VEGFC: variants seen among roughly 807,000 people sequenced by gnomAD.
VEGFC encodes the protein vascular endothelial growth factor C.
VEGFC carries 12 observed loss-of-function variants against 46.1 expected under a neutral mutation model. The observed-to-expected ratio is 0.26, with a 90% CI of 0.17 to 0.42. VEGFC has a LOEUF of 0.42. VEGFC is among the 10% of genes least tolerant of loss of function. The pLI is 1.00. For synonymous variants in VEGFC, 232 were observed against 195.5 expected (o/e 1.19, Z -1.56); for missense variants, 488 against 529.4 (o/e 0.92, Z 0.77).
chr4:176,751,046 C>T (rs1294945844), intron 1 of VEGFC, among the ~76,000 whole-genome samples: 1 of 151,518 alleles, frequency 6.6e-6, no homozygotes, highest in East Asian at 1.9e-4. Context: ...AAATGAAATA[C>T]ATTTATTAAA....
rs1345741700 is a variant in VEGFC, at chr4:176,687,511, T to C, written c.821A>G (p.Asp274Gly). 1 of 1,597,420 alleles carries C rather than the reference T, an allele frequency of 6.3e-7. No homozygotes were observed. Residue 274 changes from aspartate to glycine, a missense_variant, in exon 6 of 7, where the codon GAT (aspartate) becomes GGT (glycine). Transcript: ENST00000618562. ...TGGTCCACAGATGTCATGGAATCCATCTGTTGAGTCTAGACAAATAGTCAG... is the reference window on the plus strand; with the variant it reads ...TGGTCCACAGATGTCATGGAATCCACCTGTTGAGTCTAGACAAATAGTCAG... ...FSSDAGDDST[D>G]GFHDICGPNK...
chr4:176,696,355 G>T (rs1288475823), intron 4 of VEGFC, among the ~76,000 whole-genome samples: 1 of 151,246 alleles, frequency 6.6e-6, no homozygotes, highest in Non-Finnish European at 1.5e-5. Flanking sequence ...CAAACAGAGA[G>T]CCAAATCATG....
Position 176,683,633 on chromosome 4 carries a change from G to T in VEGFC, c.*293C>A. ...TACCAATTGTTGTTGCTATAAAAAT[G>T]AATGCAGAAACAATATTTTTAGTGG... On this transcript the variant is annotated 3_prime_UTR_variant, in exon 7 of 7. Transcript: ENST00000618562. 4.6e-6 allele frequency: 1 copy of T among 219,760 alleles called. No individual in the cohort carries two copies. Among genetic ancestry groups the T allele is most frequent in the Non-Finnish European group, 8.9e-6 (1 of 112,306 alleles). The allele number at this position is 219,760 out of a possible 1,614,324, so 13.6% of individuals were successfully genotyped here.
At chr4:176,710,403 T>G (rs1734602125) in intron 4 of VEGFC, among the ~76,000 whole-genome samples, 1 of 152,108 alleles carries the variant, frequency 6.6e-6, no homozygotes, top group Non-Finnish European at 1.5e-5. Context: ...GTCTGTAAGA[T>G]CTTTGCTTTC....
At chr4:176,756,067 A>G (rs1206653732) in intron 1 of VEGFC, among the ~76,000 whole-genome samples, 1 of 152,080 alleles carries the variant, frequency 6.6e-6, no homozygotes, top group Non-Finnish European at 1.5e-5. Flanking sequence ...GGTCTGAAAC[A>G]CATGAGCTCA....
At chr4:176,749,727 T>C (rs1013858785) in intron 1 of VEGFC, among the ~76,000 whole-genome samples, 2 of 151,832 alleles carry the variant, frequency 1.3e-5, no homozygotes, top group Non-Finnish European at 2.9e-5. Flanking sequence ...TTGTGAGTCA[T>C]TAAATATGAA....
chr4:176,758,593 G>A (rs978024345), intron 1 of VEGFC, among the ~76,000 whole-genome samples: 3 of 152,090 alleles, frequency 2.0e-5, no homozygotes, highest in Non-Finnish European at 2.9e-5. Context: ...TTAATAAGTA[G>A]CTTCCCAAAT....
chr4:176,749,964 TAC>T (rs908990041), intron 1 of VEGFC, among the ~76,000 whole-genome samples: 16 of 151,708 alleles, frequency 1.1e-4, no homozygotes, highest in Admixed American at 9.2e-4. Flanking sequence ...TACTGAAAAT[TAC>T]AGTGTAAACA....
intron 4 of VEGFC, among the ~76,000 whole-genome samples, chr4:176,690,997 T>C (rs1285681962): frequency 5.3e-5 from 8 of 152,124 alleles, no homozygotes. Context: ...TAAAATGTAA[T>C]AGAATGATAT....
intron 4 of VEGFC, among the ~76,000 whole-genome samples, chr4:176,703,389 C>T (rs1422425588): frequency 6.6e-6 from 1 of 151,954 alleles, no homozygotes; most frequent in Admixed American, 6.6e-5. Flanking sequence ...AGACACATAT[C>T]TCATGTTCTC....
At chr4:176,741,065 T>A (rs1309277214) in intron 1 of VEGFC, among the ~76,000 whole-genome samples, 6 of 151,954 alleles carry the variant, frequency 3.9e-5, no homozygotes, top group Admixed American at 1.3e-4. Flanking sequence ...TTGTTCATTG[T>A]CCAATATCTC....
rs566833363 is a variant in VEGFC, at chr4:176,730,326, A to G, written c.148-580T>C. On this transcript the variant is annotated intron_variant, in intron 1 of 6. Coordinates refer to ENST00000618562, the MANE Select transcript of VEGFC (RefSeq NM_005429.5). ...AAATTTTATCATCAAGATTAATACCACCTTCATAGAAATGAAATAGTTCAG... is the reference window on the plus strand; with the variant it reads ...AAATTTTATCATCAAGATTAATACCGCCTTCATAGAAATGAAATAGTTCAG... Among the ~76,000 whole-genome samples, 5 of 152,262 alleles carry G rather than the reference A, an allele frequency of 3.3e-5. No homozygotes were observed. The South Asian group carries it at 1.0e-3, about 32-fold the overall frequency.
chr4:176,767,090 G>GCAAC (rs70964804), intron 1 of VEGFC, among the ~76,000 whole-genome samples: 101,563 of 127,486 alleles, frequency 0.8, 42,852 homozygotes, highest in East Asian at 1. Context: ...AAAAAGCCTG[G>GCAAC]CAACCAAATC....
At chr4:176,735,016 T>C (rs532796947) in intron 1 of VEGFC, among the ~76,000 whole-genome samples, 4 of 151,862 alleles carry the variant, frequency 2.6e-5, no homozygotes, top group Non-Finnish European at 5.9e-5. Context: ...ATGCTATCTA[T>C]AGATGATGAA....
intron 4 of VEGFC, among the ~76,000 whole-genome samples, chr4:176,709,470 G>A (rs953975766): frequency 6.6e-6 from 1 of 152,142 alleles, no homozygotes; most frequent in African/African-American, 2.4e-5. Context: ...GAGTGCTATG[G>A]GTATTCAAGA....
At chr4:176,734,645 G>A (rs891680813) in intron 1 of VEGFC, among the ~76,000 whole-genome samples, 8 of 151,780 alleles carry the variant, frequency 5.3e-5, no homozygotes, top group Non-Finnish European at 1.0e-4. Flanking sequence ...GGAATTTGCA[G>A]ACTTTAAGAA....
At chr4:176,694,830 C>G (rs1227367583) in intron 4 of VEGFC, among the ~76,000 whole-genome samples, 4 of 145,870 alleles carry the variant, frequency 2.7e-5, no homozygotes, top group African/African-American at 5.3e-5. Flanking sequence ...GAATCTCACT[C>G]AAAACTGCTC....
chr4:176,761,459 G>T (rs1735528734), intron 1 of VEGFC, among the ~76,000 whole-genome samples: 1 of 152,146 alleles, frequency 6.6e-6, no homozygotes, highest in African/African-American at 2.4e-5. Context: ...GTTTTATTAA[G>T]ATTACAGGAA....
chr4:176,723,290 G>A (rs1734819257), intron 3 of VEGFC, among the ~76,000 whole-genome samples: 1 of 151,974 alleles, frequency 6.6e-6, no homozygotes, highest in Non-Finnish European at 1.5e-5. Context: ...TTCTTTTACA[G>A]ATACATATAT....
Sources: gnomAD v4.1 joint callset for allele counts (sites outside exome capture counted in the v4.1 genomes callset) on GRCh38, gnomAD v4.1.1 for gene constraint, MANE v1.5 for transcripts, NCBI Gene and HGNC (gene_info 2026-07-23, HGNC 2026-07-21) for gene names.